Variants in TMEM135 observed in about 807,000 individuals in gnomAD.
TMEM135 encodes the protein peroxisomal membrane protein 52.
Under a neutral mutation model 60.3 loss-of-function variants are expected in TMEM135, and 30 were observed. That is an observed-to-expected ratio of 0.50 (90% CI 0.37 to 0.68). TMEM135 has a LOEUF of 0.68. TMEM135 is among the 30% of genes least tolerant of loss of function. The pLI is 0.00. For missense variants in TMEM135, 468 were observed against 548.8 expected (o/e 0.85, Z 1.47); for synonymous variants, 190 against 186.7 (o/e 1.02, Z -0.14).
intron 5 of TMEM135, among the ~76,000 whole-genome samples, chr11:87,201,025 G>A (rs1940082332): frequency 6.6e-6 from 1 of 152,056 alleles, no homozygotes; most frequent in Admixed American, 6.5e-5. Context: ...TAACTTTTAG[G>A]AAGTGAAGAA....
At chr11:87,237,080 T>C (rs543878998) in intron 6 of TMEM135, among the ~76,000 whole-genome samples, 2 of 152,116 alleles carry the variant, frequency 1.3e-5, no homozygotes, top group African/African-American at 4.8e-5. Flanking sequence ...ACAGTAGATC[T>C]CTATCTAAGC....
intron 6 of TMEM135, among the ~76,000 whole-genome samples, chr11:87,289,773 C>G (rs528436744): frequency 4.6e-5 from 7 of 151,992 alleles, no homozygotes; most frequent in Non-Finnish European, 8.8e-5. Flanking sequence ...CATATCTTTA[C>G]CTTCCCCCTA....
chr11:87,324,266 C>T lies in TMEM135; in HGVS notation c.*2933C>T, dbSNP rs1293773222. The stretch of plus-strand genomic sequence containing the variant: ...AGCAATGTCCTTTACTCTCAGGGAG[C>T]TTCGTCCACTTGCCTGTGTCACAAC... On this transcript the variant is annotated 3_prime_UTR_variant, in exon 15 of 15. Coordinates refer to ENST00000305494, the MANE Select transcript of TMEM135 (RefSeq NM_022918.4). 2.2e-6 allele frequency: 1 copy of T among 454,050 alleles called. No homozygotes were observed. The highest frequency in any genetic ancestry group is 2.0e-5 in the African/African-American group (1 of 50,108). 28.1% of individuals were successfully genotyped at this position (454,050 alleles called of 1,614,324 possible).
At chr11:87,098,227 A>G (rs951609692) in intron 4 of TMEM135, among the ~76,000 whole-genome samples, 5 of 152,072 alleles carry the variant, frequency 3.3e-5, no homozygotes, top group Admixed American at 2.0e-4. Context: ...TTAGCGTTCC[A>G]ATAATGGAAC....
At chr11:87,249,474 A>G (rs550503) in intron 6 of TMEM135, among the ~76,000 whole-genome samples, 109,364 of 151,990 alleles carry the variant, frequency 0.72, 39,808 homozygotes, top group Non-Finnish European at 0.76. Context: ...TTATTTCTAC[A>G]TTGATGTTAT....
chr11:87,144,165 T>C (rs1361336931), intron 4 of TMEM135, among the ~76,000 whole-genome samples: 1 of 152,130 alleles, frequency 6.6e-6, no homozygotes, highest in Middle Eastern at 3.2e-3. Flanking sequence ...AAATTATTAG[T>C]AGAGCTGTAA....
intron 4 of TMEM135, among the ~76,000 whole-genome samples, chr11:87,123,568 T>C (rs1343933218): frequency 1.6e-5 from 2 of 123,726 alleles, no homozygotes; most frequent in East Asian, 6.0e-4. Flanking sequence ...AGAACCAACA[T>C]ACAATTTATC....
intron 3 of TMEM135, among the ~76,000 whole-genome samples, chr11:87,074,722 A>G (rs1856836351): frequency 6.6e-6 from 1 of 152,218 alleles, no homozygotes; most frequent in African/African-American, 2.4e-5. Flanking sequence ...TATAAACATC[A>G]TGCCACTTTA....
intron 6 of TMEM135, among the ~76,000 whole-genome samples, chr11:87,255,599 G>C (rs1202098980): frequency 6.6e-6 from 1 of 151,914 alleles, no homozygotes; most frequent in African/African-American, 2.4e-5. Flanking sequence ...GATTGTGCCT[G>C]TGAGTAGACA....
chr11:87,270,270 A>C lies in TMEM135; in HGVS notation c.510-25512A>C, dbSNP rs868101086. On this transcript the variant is annotated intron_variant, in intron 6 of 14. Transcript: ENST00000305494. ...GCCCTTTGTCAGATGAGTAGGTTGC[A>C]AAAATTTTCTCCCATTTTGTAGGAT... is the stretch of plus-strand genomic sequence containing the variant. 2.4e-4 allele frequency among the ~76,000 whole-genome samples: 36 copies of C among 150,226 alleles called. 1 individual carries two copies. In the South Asian group the frequency reaches 7.6e-3, roughly 32 times the overall value.
rs1326567281 is a variant in TMEM135, at chr11:87,323,536, T to G, written c.*2203T>G. 4.4e-6 allele frequency: 2 copies of G among 453,140 alleles called. No individual in the cohort carries two copies. The highest frequency in any genetic ancestry group is 4.7e-5 in the Admixed American group (2 of 42,392). 28.1% of individuals were successfully genotyped at this position (453,140 alleles called of 1,614,324 possible). A position where few individuals can be genotyped will look rare whatever the true frequency, so the allele number is the denominator to read the frequency against. ...TAGATCTCTGCATTCCAAAATATGT[T>G]TTTTAGTTTATTTATATCCTGAAGA... On this transcript the variant is annotated 3_prime_UTR_variant, in exon 15 of 15. Transcript: ENST00000305494.
chr11:87,259,279 G>A, intron 6 of TMEM135: 2 of 377,942 alleles, frequency 5.3e-6, no homozygotes, highest in African/African-American at 2.1e-5. Context: ...GGGGACACCA[G>A]AAGTGGAAAA....
At position 87,182,260 on chromosome 11, in the gene TMEM135, C is replaced by A. The variant is rs188265074; in HGVS notation, c.462+24854C>A. ...TACATGCTATTTTAAACAGATTCTG[C>A]ACTCAAATTAAGATAAGAAAAAGGA... On this transcript the variant is annotated intron_variant, in intron 5 of 14. Transcript: ENST00000305494. Among the ~76,000 whole-genome samples, 39 of 152,098 alleles carry A rather than the reference C, an allele frequency of 2.6e-4. No individual in the cohort carries two copies. The East Asian group carries it at 6.4e-3, about 25-fold the overall frequency.
intron 5 of TMEM135, among the ~76,000 whole-genome samples, chr11:87,206,768 T>C (rs531877967): frequency 5.3e-5 from 8 of 152,366 alleles, no homozygotes; most frequent in African/African-American, 1.9e-4. Context: ...GAACTATTAA[T>C]GTGGGCATTT....
In TMEM135 at chr11:87,322,644, T is replaced by C. The variant is rs573116805; in HGVS notation, c.*1311T>C. On this transcript the variant is annotated 3_prime_UTR_variant, in exon 15 of 15. Coordinates refer to ENST00000305494, the MANE Select transcript of TMEM135 (RefSeq NM_022918.4). The stretch of plus-strand genomic sequence containing the variant: ...AAAGTTTTTAGGCCAGTGCAAATTA[T>C]GCAGTAGAACTTGTGTTGCAAAAGG... 8.8e-6 allele frequency: 4 copies of C among 453,572 alleles called. No individual in the cohort carries two copies. Among genetic ancestry groups the C allele is most frequent in the Admixed American group, 7.1e-5 (3 of 42,550 alleles). The allele number at this position is 453,572 out of a possible 1,614,324, so 28.1% of individuals were successfully genotyped here.
In TMEM135 at chr11:87,327,714, A is replaced by T. The variant is rs943686775; in HGVS notation, c.*6381A>T. The T allele has an allele frequency of 1.3e-5, 6 of 453,872 alleles. No individual in the cohort carries two copies. The highest frequency in any genetic ancestry group is 1.2e-4 in the African/African-American group (6 of 49,968). The allele number at this position is 453,872 out of a possible 1,614,324, so 28.1% of individuals were successfully genotyped here. On this transcript the variant is annotated 3_prime_UTR_variant, in exon 15 of 15. Coordinates refer to ENST00000305494, the MANE Select transcript of TMEM135 (RefSeq NM_022918.4). Reference sequence around the variant, plus strand: ...AAAAGCCTTGGAACCAGGGAAACTGATGGTGTAATTCTCAGTCCAAGGCTG... The same window carrying T: ...AAAAGCCTTGGAACCAGGGAAACTGTTGGTGTAATTCTCAGTCCAAGGCTG...
intron 5 of TMEM135, among the ~76,000 whole-genome samples, chr11:87,177,532 A>G (rs1004967663): frequency 1.3e-5 from 2 of 152,192 alleles, no homozygotes; most frequent in African/African-American, 4.8e-5. Context: ...TGTGTAATTC[A>G]GTAATTTTTA....
chr11:87,092,136 A>G (rs993146076), intron 4 of TMEM135, among the ~76,000 whole-genome samples: 1 of 152,166 alleles, frequency 6.6e-6, no homozygotes, highest in African/African-American at 2.4e-5. Context: ...AATTCATTTT[A>G]GTTATAAAAT....
intron 6 of TMEM135, among the ~76,000 whole-genome samples, chr11:87,275,629 CA>C (rs1434988449): frequency 6.6e-6 from 1 of 152,012 alleles, no homozygotes; most frequent in Non-Finnish European, 1.5e-5. Context: ...TAAGAAAAGC[CA>C]AACTAGTCTG....
Sources: allele counts gnomAD v4.1 joint callset (sites outside exome capture counted in the v4.1 genomes callset), GRCh38; gene constraint gnomAD v4.1.1; transcripts MANE v1.5; gene names NCBI Gene and HGNC (gene_info 2026-07-23, HGNC 2026-07-21).